Variants in NRG1 observed in about 807,000 individuals in gnomAD.
The protein encoded by NRG1 is neuregulin 1.
Under a neutral mutation model 63.8 loss-of-function variants are expected in NRG1, and 18 were observed. The ratio of observed to expected loss-of-function variants is 0.28; its 90% CI spans 0.19 to 0.42. The LOEUF (loss-of-function observed/expected upper bound fraction) is 0.42. Ranked by LOEUF, NRG1 falls within the 10% of genes least tolerant of loss-of-function variation. The pLI, the probability that NRG1 is intolerant of heterozygous loss-of-function variation, is 1.00. For missense variants in NRG1, 762 were observed against 814.7 expected, an observed-to-expected ratio of 0.94 and a Z score of 0.79; for synonymous variants, 302 against 301.3, an observed-to-expected ratio of 1.00 and a Z score of -0.02.
chr8:32,699,325 G>A (rs1027039994), intron 5 of NRG1, among the ~76,000 whole-genome samples: 10 of 152,172 alleles, frequency 6.6e-5, no homozygotes, highest in Non-Finnish European at 4.4e-5. Flanking sequence ...CGGTGATTGA[G>A]GGGCTTGGTA....
At chr8:32,475,354 A>T (rs1233925779) in intron 1 of NRG1, among the ~76,000 whole-genome samples, 1 of 150,356 alleles carries the variant, frequency 6.7e-6, no homozygotes, top group Non-Finnish European at 1.5e-5. Context: ...AGTCTCAGCT[A>T]CTTGGGAGGC....
At chr8:32,281,807 C>G (rs976125134) in intron 1 of NRG1, among the ~76,000 whole-genome samples, 1 of 72,190 alleles carries the variant, frequency 1.4e-5, no homozygotes, top group East Asian at 3.0e-4. Flanking sequence ...ATAGTGAGAC[C>G]CCCCCCATCT....
intron 1 of NRG1, among the ~76,000 whole-genome samples, chr8:32,572,319 G>T (rs189552397): frequency 6.6e-6 from 1 of 152,232 alleles, no homozygotes; most frequent in East Asian, 1.9e-4. Flanking sequence ...AATGATCTTA[G>T]AGCCCTCATA....
chr8:31,724,666 A>C (rs75587882), intron 1 of NRG1, among the ~76,000 whole-genome samples: 1,731 of 152,266 alleles, frequency 0.011, 34 homozygotes, highest in African/African-American at 0.04. Flanking sequence ...GTTGAGATAC[A>C]CCACTTATTT....
At chr8:32,174,922 T>C (rs1472561506) in intron 1 of NRG1, among the ~76,000 whole-genome samples, 1 of 152,206 alleles carries the variant, frequency 6.6e-6, no homozygotes, top group Admixed American at 6.5e-5. Context: ...GCTGGTACCA[T>C]TCCTTCTGAA....
chr8:32,216,300 T>G (rs2132434050), intron 1 of NRG1, among the ~76,000 whole-genome samples: 1 of 150,112 alleles, frequency 6.7e-6, no homozygotes, highest in East Asian at 1.9e-4. Context: ...CTAATAAAAA[T>G]AATTACCATC....
intron 1 of NRG1, among the ~76,000 whole-genome samples, chr8:32,458,451 C>G (rs1229371398): frequency 1.3e-5 from 2 of 152,112 alleles, no homozygotes; most frequent in African/African-American, 2.4e-5. Context: ...AAGAAATTAA[C>G]CAGAGACTTT....
In NRG1 at chr8:32,742,172, T is replaced by A; in HGVS notation, c.633-503T>A. 1.0e-6 allele frequency: 1 copy of A among 985,522 alleles called. No homozygotes were observed. The highest frequency in any genetic ancestry group is 1.4e-5 in the South Asian group (1 of 73,900). The allele number at this position is 985,522 out of a possible 1,614,324, so 61.0% of individuals were successfully genotyped here. A position where few individuals can be genotyped will look rare whatever the true frequency, so the allele number is the denominator to read the frequency against. The stretch of plus-strand genomic sequence containing the variant: ...ACAGCTCAGTCGTAACTGATTCATT[T>A]TGTTCTAATTATGGCTTAACCTCTC... On this transcript the variant is annotated intron_variant, in intron 6 of 11. Transcript: ENST00000356819. The surrounding 1 kb of genome is among the most constrained non-coding windows in gnomAD (Gnocchi z 4.2).
Position 31,823,687 on chromosome 8 carries a change from A to G in NRG1, c.37+184256A>G, listed in dbSNP as rs536729734. On this transcript the variant is annotated intron_variant, in intron 1 of 10. Transcript: ENST00000519301. Reference sequence around the variant, plus strand: ...ATGAAACTGTCACAATGCTTTGAAAACTGTAGCATACTGACCAAATCTATG... The same window carrying G: ...ATGAAACTGTCACAATGCTTTGAAAGCTGTAGCATACTGACCAAATCTATG... Among the ~76,000 whole-genome samples the G allele has an allele frequency of 4.0e-4, 61 of 152,274 alleles. 1 individual carries two copies. Among genetic ancestry groups the G allele is most frequent in the African/African-American group, 1.3e-3 (54 of 41,554 alleles).
intron 1 of NRG1, among the ~76,000 whole-genome samples, chr8:31,691,576 CAG>C (rs1809517019): frequency 9.6e-6 from 1 of 104,038 alleles, no homozygotes; most frequent in Non-Finnish European, 1.7e-5. Flanking sequence ...GCCTGGGTGA[CAG>C]AGTGAGACTC....
intron 1 of NRG1, among the ~76,000 whole-genome samples, chr8:32,483,157 C>T (rs527937799): frequency 2.0e-5 from 3 of 152,310 alleles, no homozygotes; most frequent in Admixed American, 6.5e-5. Context: ...GGAAAGAGAA[C>T]ATTTCTTCCA....
intron 1 of NRG1, among the ~76,000 whole-genome samples, chr8:31,804,429 T>A (rs904220200): frequency 1.3e-5 from 2 of 152,134 alleles, no homozygotes; most frequent in Non-Finnish European, 2.9e-5. Context: ...TTTCTGTCCA[T>A]CTCTAAACAT....
rs536680004 is a variant in NRG1, at chr8:32,134,454, G to T, written c.38-461374G>T. ...AGACTGTACCAGAAGATAATAAAAA[G>T]AATCCTATTGTTTTAATTATCTCTT... On this transcript the variant is annotated intron_variant, in intron 1 of 10. Transcript: ENST00000519301. Among the ~76,000 whole-genome samples, 16 of 152,182 alleles carry T rather than the reference G, an allele frequency of 1.1e-4. No individual in the cohort carries two copies. In the South Asian group the frequency reaches 3.3e-3, roughly 32 times the overall value.
intron 1 of NRG1, among the ~76,000 whole-genome samples, chr8:31,961,685 C>T (rs1271508761): frequency 6.6e-6 from 1 of 152,160 alleles, no homozygotes; most frequent in African/African-American, 2.4e-5. Context: ...CTCCCTCCAA[C>T]TTCTTTTCCA....
At chr8:32,081,912 G>C (rs1251239691) in intron 1 of NRG1, among the ~76,000 whole-genome samples, 42 of 152,114 alleles carry the variant, frequency 2.8e-4, no homozygotes, top group Admixed American at 2.8e-3. Context: ...CCTGAGGATT[G>C]TAGATACCCT....
At chr8:31,730,659 A>C (rs1813941026) in intron 1 of NRG1, among the ~76,000 whole-genome samples, 1 of 152,132 alleles carries the variant, frequency 6.6e-6, no homozygotes, top group Non-Finnish European at 1.5e-5. Context: ...TATTAGAAGA[A>C]TATATGGAGC....
At chr8:32,522,553 A>C (rs1830437358) in intron 1 of NRG1, among the ~76,000 whole-genome samples, 1 of 152,174 alleles carries the variant, frequency 6.6e-6, no homozygotes, top group South Asian at 2.1e-4. Flanking sequence ...TTGTGTCATA[A>C]GGAAAAGTTG....
chr8:32,294,037 A>T (rs1310537887), intron 1 of NRG1, among the ~76,000 whole-genome samples: 1 of 151,774 alleles, frequency 6.6e-6, no homozygotes, highest in Non-Finnish European at 1.5e-5. Flanking sequence ...CTATTTCTTG[A>T]CGGCCATCCA....
At chr8:32,676,324 G>T (rs565417811) in intron 5 of NRG1, among the ~76,000 whole-genome samples, 3 of 152,272 alleles carry the variant, frequency 2.0e-5, no homozygotes, top group Admixed American at 2.0e-4. Context: ...ATGACCCCAG[G>T]GGGGCTTTGC....
Sources: allele counts gnomAD v4.1 joint callset (sites outside exome capture counted in the v4.1 genomes callset), GRCh38; gene constraint gnomAD v4.1.1; non-coding constraint Gnocchi (gnomAD v3.1); transcripts MANE v1.5; gene names NCBI Gene and HGNC (gene_info 2026-07-23, HGNC 2026-07-21).